The following FHOD3 variants were observed in gnomAD, a reference collection of about 807,000 sequenced individuals.
The protein encoded by FHOD3 is FH1/FH2 domain-containing protein 3.
In FHOD3, 90 loss-of-function variants were observed where a neutral mutation model predicts 173.0. The ratio of observed to expected loss-of-function variants is 0.52; its 90% CI spans 0.44 to 0.62. The LOEUF (loss-of-function observed/expected upper bound fraction) is 0.62, where lower values mean the gene tolerates loss of function less well. Among genes scored for constraint, FHOD3 ranks in the 20% least tolerant of loss-of-function variants. The pLI, the probability that FHOD3 is intolerant of heterozygous loss-of-function variation, is 0.00. For missense variants in FHOD3, 1,945 were observed against 2,034.7 expected (o/e 0.96, Z 0.85); for synonymous variants, 828 against 823.0 (o/e 1.01, Z -0.10).
rs2042830593 is a variant in FHOD3, at chr18:36,760,660, T to C, written c.4502T>C (p.Leu1501Pro). ...SPAPPSQPQG[L>P]SYAEDAAEHE... ...GCGCCCCCAAGCCAGCCGCAGGGTCTGAGCTATGCGGAGGACGCGGCTGAG... is the reference window on the plus strand; with the variant it reads ...GCGCCCCCAAGCCAGCCGCAGGGTCCGAGCTATGCGGAGGACGCGGCTGAG... Residue 1501 changes from leucine (L) to proline (P), a missense_variant, in exon 27 of 29, where the codon CTG (leucine) becomes CCG (proline). By Grantham distance (98) the Leu-to-Pro change is moderately conservative. Coordinates refer to ENST00000590592, the MANE Select transcript of FHOD3 (RefSeq NM_001281740.3). 1.9e-6 allele frequency: 3 copies of C among 1,612,350 alleles called. No homozygotes were observed. In the African/African-American group the frequency reaches 4.0e-5, roughly 22 times the overall value.
intron 3 of FHOD3, among the ~76,000 whole-genome samples, chr18:36,416,037 TTTA>T (rs1333500290): frequency 6.6e-6 from 1 of 152,186 alleles, no homozygotes; most frequent in Non-Finnish European, 1.5e-5. Flanking sequence ...GGTGTCATTT[TTTA>T]TTTATTTTTT....
intron 1 of FHOD3, among the ~76,000 whole-genome samples, chr18:36,354,955 G>T (rs1456233533): frequency 6.6e-6 from 1 of 152,190 alleles, no homozygotes; most frequent in African/African-American, 2.4e-5. Flanking sequence ...CTCCAGCCTG[G>T]GTGACAGAGC....
At chr18:36,706,797 A>G (rs2039906055) in intron 17 of FHOD3, among the ~76,000 whole-genome samples, 1 of 152,178 alleles carries the variant, frequency 6.6e-6, no homozygotes. Flanking sequence ...ATGCTTACCA[A>G]TTAAAACTTC....
intron 3 of FHOD3, among the ~76,000 whole-genome samples, chr18:36,449,753 T>C (rs2051714288): frequency 6.6e-6 from 1 of 152,238 alleles, no homozygotes; most frequent in South Asian, 2.1e-4. Flanking sequence ...AGTAAATTTT[T>C]CTCGATGTAT....
chr18:36,591,948 A>G (rs753431718), intron 6 of FHOD3, among the ~76,000 whole-genome samples: 6 of 149,246 alleles, frequency 4.0e-5, no homozygotes, highest in Non-Finnish European at 7.4e-5. Flanking sequence ...GCTGGGCACG[A>G]TGGCTCATGC....
chr18:36,582,791 T>A (rs867656335), intron 6 of FHOD3, among the ~76,000 whole-genome samples: 1 of 152,244 alleles, frequency 6.6e-6, no homozygotes, highest in Non-Finnish European at 1.5e-5. Context: ...ACCTCTGATA[T>A]ATTACATCTT....
chr18:36,742,786 A>G lies in FHOD3; in HGVS notation c.3809A>G (p.Glu1270Gly), dbSNP rs761562098. ...CTGAAGGAAGGAATAGACCAGTTGG[A>G]GAACAATAAAACCTTGGGCTTTATC... ...LDLKEGIDQLENNKTLGFILS... is the reference protein window; with the variant it reads ...LDLKEGIDQLGNNKTLGFILS... The change falls in exon 22 of 29, where the codon GAG (glutamate) becomes GGG (glycine). Residue 1270 changes from glutamate (E) to glycine (G), a missense_variant. By Grantham distance (98) the Glu-to-Gly change is moderately conservative. Transcript: ENST00000590592. 9 of 1,614,000 alleles carry G rather than the reference A, an allele frequency of 5.6e-6. No individual in the cohort carries two copies. Among genetic ancestry groups the G allele is most frequent in the Non-Finnish European group, 7.6e-6 (9 of 1,179,986 alleles).
intron 27 of FHOD3, among the ~76,000 whole-genome samples, chr18:36,766,205 C>T (rs1025277919): frequency 1.1e-4 from 16 of 152,172 alleles, no homozygotes; most frequent in African/African-American, 3.6e-4. Flanking sequence ...ACTTCAACCA[C>T]AGAAGTCTAT....
intron 28 of FHOD3, among the ~76,000 whole-genome samples, chr18:36,775,298 T>C (rs984918840): frequency 9.2e-5 from 14 of 152,172 alleles, no homozygotes; most frequent in Non-Finnish European, 1.6e-4. Context: ...GCTGCAAAGG[T>C]GAAAGCGCAC....
rs1276924985 is a variant in FHOD3, at chr18:36,747,066, CAG to C, written c.4166_4167del (p.Glu1389ValfsTer17). 1.2e-6 allele frequency: 2 copies of C among 1,614,102 alleles called. No homozygotes were observed. The highest frequency in any genetic ancestry group is 1.7e-5 in the Admixed American group (1 of 60,004). On this transcript the variant is annotated frameshift_variant, in exon 24 of 29. Transcript: ENST00000590592. LOFTEE classifies it high-confidence loss of function. ...AAACCAGTTTTAAAACAACGGATGT[CAG>C]AGTTCCTGAAAGACTGTGCAGAGCG...
intron 3 of FHOD3, among the ~76,000 whole-genome samples, chr18:36,375,025 A>G (rs1354913848): frequency 6.6e-6 from 1 of 152,190 alleles, no homozygotes; most frequent in East Asian, 1.9e-4. Context: ...ATTTCCTACT[A>G]TTAGCAAGAT....
chr18:36,610,096 G>A (rs1195203115), intron 8 of FHOD3, among the ~76,000 whole-genome samples: 1 of 152,210 alleles, frequency 6.6e-6, no homozygotes, highest in Non-Finnish European at 1.5e-5. Flanking sequence ...GGGGGAACGA[G>A]GTGAAGAGAC....
intron 3 of FHOD3, among the ~76,000 whole-genome samples, chr18:36,479,312 A>C (rs557215497): frequency 2.0e-5 from 3 of 152,362 alleles, no homozygotes; most frequent in Non-Finnish European, 2.9e-5. Flanking sequence ...GTTAAAGGAC[A>C]CTGAACCTAT....
chr18:36,625,803 G>A (rs934239696), intron 10 of FHOD3, 54 bp downstream of exon 10: 11 of 1,407,256 alleles, frequency 7.8e-6, no homozygotes, highest in Non-Finnish European at 8.6e-6. Flanking sequence ...CCAAAAGAGA[G>A]CCCACAGGTG....
At chr18:36,441,406 G>C (rs1420719354) in intron 3 of FHOD3, among the ~76,000 whole-genome samples, 1 of 152,220 alleles carries the variant, frequency 6.6e-6, no homozygotes, top group African/African-American at 2.4e-5. Flanking sequence ...GAAGCTCAGA[G>C]TTGTACGGGA....
intron 3 of FHOD3, among the ~76,000 whole-genome samples, chr18:36,453,571 C>A (rs2051991651): frequency 6.6e-6 from 1 of 152,212 alleles, no homozygotes; most frequent in African/African-American, 2.4e-5. Context: ...GCAGTTATAC[C>A]CCTGTGGGGA....
intron 27 of FHOD3, 119 bp downstream of exon 27, chr18:36,760,901 C>A: frequency 9.8e-7 from 1 of 1,022,142 alleles, no homozygotes; most frequent in Non-Finnish European, 1.4e-6. Context: ...CCAGTGCCAA[C>A]CTAACCACAC....
intron 1 of FHOD3, among the ~76,000 whole-genome samples, chr18:36,338,592 C>G (rs1056325099): frequency 6.6e-6 from 1 of 152,202 alleles, no homozygotes; most frequent in African/African-American, 2.4e-5. Flanking sequence ...CAGCTTGGCT[C>G]TGAGGCTGGA....
At chr18:36,675,494 G>A (rs776954378) in intron 14 of FHOD3, among the ~76,000 whole-genome samples, 2 of 152,136 alleles carry the variant, frequency 1.3e-5, no homozygotes, top group African/African-American at 4.8e-5. Context: ...CCAGTGCACA[G>A]CCCTGAGACA....
Sources: gnomAD v4.1 joint callset for allele counts (sites outside exome capture counted in the v4.1 genomes callset) on GRCh38, gnomAD v4.1.1 for gene constraint, MANE v1.5 for transcripts, NCBI Gene and HGNC (gene_info 2026-07-23, HGNC 2026-07-21) for gene names.